The following ERCC6 variants were observed in gnomAD, a reference collection of about 807,000 sequenced individuals.
The protein encoded by ERCC6 is ERCC excision repair 6, chromatin remodeling factor.
Under a neutral mutation model 158.7 loss-of-function variants are expected in ERCC6, and 116 were observed. The observed-to-expected ratio is 0.73, with a 90% CI of 0.63 to 0.85. The LOEUF is 0.85. ERCC6 is among the 40% of genes least tolerant of loss of function. ERCC6 has a pLI of 0.00. For missense variants in ERCC6, 1,698 were observed against 1,799.4 expected, an observed-to-expected ratio of 0.94 and a Z score of 1.02; for synonymous variants, 678 against 659.3, an observed-to-expected ratio of 1.03 and a Z score of -0.43.
intron 10 of ERCC6, among the ~76,000 whole-genome samples, chr10:49,478,727 A>G (rs1167508056): frequency 1.3e-5 from 2 of 152,188 alleles, no homozygotes; most frequent in Non-Finnish European, 2.9e-5. Context: ...AGAAAAACTG[A>G]TAATTTTGTG....
chr10:49,444,098 A>G, the ERCC6 span, among the ~76,000 whole-genome samples: 2 of 152,222 alleles, frequency 1.3e-5, no homozygotes, highest in African/African-American at 4.8e-5. Context: ...GGGTCACTGC[A>G]TTAGGATCAG....
intron 7 of ERCC6, among the ~76,000 whole-genome samples, chr10:49,494,194 C>G (rs1219109985): frequency 3.9e-5 from 6 of 152,120 alleles, no homozygotes; most frequent in Non-Finnish European, 5.9e-5. Flanking sequence ...ATTGTATGAT[C>G]TCGGGCACAC....
chr10:49,465,381 T>C (rs575153385), intron 18 of ERCC6, among the ~76,000 whole-genome samples: 2 of 152,390 alleles, frequency 1.3e-5, no homozygotes, highest in Non-Finnish European at 2.9e-5. Context: ...TACAGGCTCA[T>C]AGGCAGAAGA....
chr10:49,459,811 T>TA (rs1323005767), intron 20 of ERCC6, among the ~76,000 whole-genome samples: 3 of 152,208 alleles, frequency 2.0e-5, no homozygotes, highest in Non-Finnish European at 4.4e-5. Context: ...CTAGTATTCC[T>TA]AAACATGTTC....
intron 20 of ERCC6, 77 bp downstream of exon 20, chr10:49,460,296 C>A: frequency 9.7e-7 from 1 of 1,026,432 alleles, no homozygotes; most frequent in Non-Finnish European, 1.5e-6. Flanking sequence ...TTCTTCACAT[C>A]CAGAATCAGG....
chr10:49,506,817 A>G (rs2132583462), intron 5 of ERCC6, among the ~76,000 whole-genome samples: 1 of 152,238 alleles, frequency 6.6e-6, no homozygotes, highest in East Asian at 1.9e-4. Context: ...GGGGAAAAAA[A>G]AAAAGCCTCA....
the ERCC6 span, among the ~76,000 whole-genome samples, chr10:49,439,137 G>A: frequency 6.6e-6 from 1 of 152,206 alleles, no homozygotes; most frequent in South Asian, 2.1e-4. Flanking sequence ...GCCCCAGTAG[G>A]GACTCTGCCT....
chr10:49,496,877 G>A (rs1851275883), intron 7 of ERCC6, among the ~76,000 whole-genome samples: 1 of 152,182 alleles, frequency 6.6e-6, no homozygotes, highest in Non-Finnish European at 1.5e-5. Context: ...TACAATGCTT[G>A]AAATATTAAA....
chr10:49,473,264 G>A (rs1232288893), intron 14 of ERCC6, among the ~76,000 whole-genome samples: 6 of 152,078 alleles, frequency 3.9e-5, no homozygotes, highest in Non-Finnish European at 7.4e-5. Context: ...TGTAGAAAAC[G>A]CATTCTTTGT....
At chr10:49,452,036 A>G (rs570998546), downstream of ERCC6, among the ~76,000 whole-genome samples, 4 of 152,020 alleles carry the variant, frequency 2.6e-5, no homozygotes, top group South Asian at 8.3e-4. Flanking sequence ...AATATTTGTC[A>G]TATTTATTGA....
At chr10:49,506,441 A>T (rs1851445020) in intron 5 of ERCC6, 1 of 189,420 alleles carries the variant, frequency 5.3e-6, no homozygotes, top group Non-Finnish European at 1.1e-5. Flanking sequence ...TGTTCTAAAG[A>T]TATGATAGTC....
chr10:49,495,553 C>T (rs913996696), intron 7 of ERCC6, among the ~76,000 whole-genome samples: 1 of 152,156 alleles, frequency 6.6e-6, no homozygotes, highest in Non-Finnish European at 1.5e-5. Context: ...CTCTTCTGAA[C>T]TCCAAACCAC....
In ERCC6 at chr10:49,524,578, T is replaced by A; in HGVS notation, c.852A>T (p.Glu284Asp). The change falls in exon 5 of 21, where the codon GAA becomes GAT. Residue 284 changes from glutamate to aspartate, a missense_variant. By Grantham distance (45) the Glu-to-Asp change is conservative. Transcript: ENST00000355832. Reference sequence around the variant, plus strand: ...TTTTATTACAACCTTGCTTCTTCCTTTCAAAAGACAGTTTTGCTTGATCTG... The same window carrying A: ...TTTTATTACAACCTTGCTTCTTCCTATCAAAAGACAGTTTTGCTTGATCTG... ...YLADQAKLSFERKKQGCNKRA... is the reference protein window; with the variant it reads ...YLADQAKLSFDRKKQGCNKRA... 1 of 1,614,234 alleles carries A rather than the reference T, an allele frequency of 6.2e-7. No individual in the cohort carries two copies. The highest frequency in any genetic ancestry group is 1.3e-5 in the African/African-American group (1 of 75,048).
intron 8 of ERCC6, among the ~76,000 whole-genome samples, chr10:49,488,835 G>A (rs1234058318): frequency 1.3e-5 from 2 of 152,110 alleles, no homozygotes; most frequent in Admixed American, 6.5e-5. Context: ...CCAGACTGGA[G>A]TGCAGTGGCG....
At chr10:49,503,270 G>C (rs1409509056) in intron 6 of ERCC6, 1 of 152,148 alleles carries the variant, frequency 6.6e-6, no homozygotes, top group African/African-American at 2.4e-5. Context: ...ACTAGATTCT[G>C]TGTGGCCCAG....
At position 49,505,992 on chromosome 10, in the gene ERCC6, A is replaced by T; in HGVS notation, c.1418T>A (p.Leu473Gln). Residue 473 changes from leucine to glutamine, a missense_variant, in exon 6 of 21, where the codon CTG becomes CAG. Leu to Gln is a moderately radical substitution (Grantham distance 113, BLOSUM62 -2). Coordinates refer to ENST00000355832, the MANE Select transcript of ERCC6 (RefSeq NM_000124.4). ...QRLRRWNKLR[L>Q]QDKEKRLKLE... is the part of the protein sequence containing the mutation. ...CTTCAGACGTTTCTCTTTGTCCTGC[A>T]GTCTCAGTTTATTCCATCTCCTACC... The T allele has an allele frequency of 6.2e-7, 1 of 1,613,400 alleles. No homozygotes were observed.
chr10:49,529,288 G>A (rs1837414596), intron 3 of ERCC6, among the ~76,000 whole-genome samples: 3 of 152,210 alleles, frequency 2.0e-5, no homozygotes, highest in African/African-American at 7.2e-5. Context: ...CTTGCAATTT[G>A]TTTTTTCTCA....
intron 2 of ERCC6, among the ~76,000 whole-genome samples, chr10:49,531,753 G>A (rs1837473811): frequency 6.6e-6 from 1 of 152,190 alleles, no homozygotes; most frequent in Non-Finnish European, 1.5e-5. Flanking sequence ...CCACATTCAT[G>A]ACAGCGCCAC....
At chr10:49,502,742 T>C (rs1222383711) in intron 6 of ERCC6, 26 of 152,166 alleles carry the variant, frequency 1.7e-4, no homozygotes, top group Admixed American at 1.7e-3. Flanking sequence ...GACATTTTTG[T>C]TACAACCAGA....
Sources: gnomAD v4.1 joint callset for allele counts (sites outside exome capture counted in the v4.1 genomes callset) on GRCh38, gnomAD v4.1.1 for gene constraint, MANE v1.5 for transcripts, NCBI Gene and HGNC (gene_info 2026-07-23, HGNC 2026-07-21) for gene names.